FBRSL1: variants seen among roughly 807,000 people sequenced by gnomAD.
FBRSL1 encodes the protein fibrosin like 1, also known as fibrosin-1-like protein.
Under a neutral mutation model 89.6 loss-of-function variants are expected in FBRSL1, and 51 were observed. The observed-to-expected ratio is 0.57, with a 90% CI of 0.45 to 0.72. The LOEUF is 0.72. Among genes scored for constraint, FBRSL1 ranks in the 30% least tolerant of loss-of-function variants. The pLI is 0.00. For synonymous variants in FBRSL1, 779 were observed against 681.1 expected, an observed-to-expected ratio of 1.14 and a Z score of -2.24; for missense variants, 1,618 against 1,451.8, an observed-to-expected ratio of 1.11 and a Z score of -1.86.
intron 2 of FBRSL1, among the ~76,000 whole-genome samples, chr12:132,524,033 G>A (rs1035485008): frequency 1.6e-4 from 24 of 152,318 alleles, no homozygotes; most frequent in Middle Eastern, 3.4e-3. Context: ...GGAAGGTGCC[G>A]GCCCCGGGCT....
chr12:132,549,560 A>G (rs1200495548), intron 5 of FBRSL1, among the ~76,000 whole-genome samples: 1 of 152,124 alleles, frequency 6.6e-6, no homozygotes, highest in Non-Finnish European at 1.5e-5. Context: ...GACACCCTCC[A>G]CAACCAAGGG....
chr12:132,557,090 T>C (rs114952651), intron 5 of FBRSL1, among the ~76,000 whole-genome samples: 3,149 of 152,270 alleles, frequency 0.021, 99 homozygotes, highest in African/African-American at 0.071. Context: ...GGACCCTGTG[T>C]GCTCTGCACT....
chr12:132,496,594 G>C (rs751483162), intron 1 of FBRSL1, among the ~76,000 whole-genome samples: 1 of 152,222 alleles, frequency 6.6e-6, no homozygotes, highest in Non-Finnish European at 1.5e-5. Context: ...CATTGGCCCT[G>C]CTGGCGTCTG....
At chr12:132,553,794 C>T (rs1167463784) in intron 5 of FBRSL1, 5 of 152,176 alleles carry the variant, frequency 3.3e-5, no homozygotes, top group African/African-American at 4.8e-5. Context: ...TGTAACAAGT[C>T]GCCGTAAACA....
intron 15 of FBRSL1, among the ~76,000 whole-genome samples, chr12:132,580,009 ATTC>A (rs1177432465): frequency 6.6e-6 from 1 of 152,158 alleles, no homozygotes; most frequent in Non-Finnish European, 1.5e-5. Flanking sequence ...GGCCCTGGCA[ATTC>A]TTAATGTTGC....
chr12:132,552,961 G>A (rs2038317469), intron 5 of FBRSL1: 1 of 153,268 alleles, frequency 6.5e-6, no homozygotes, highest in Non-Finnish European at 1.5e-5. Context: ...CCTTTGTTCT[G>A]TCCAGCCAGC....
chr12:132,569,265 G>A (rs2039847030), intron 6 of FBRSL1, among the ~76,000 whole-genome samples: 1 of 152,126 alleles, frequency 6.6e-6, no homozygotes, highest in Non-Finnish European at 1.5e-5. Context: ...GACCTGCGGG[G>A]GACGTGCCTA....
At chr12:132,501,828 A>G (rs1444293928) in intron 1 of FBRSL1, among the ~76,000 whole-genome samples, 4 of 152,138 alleles carry the variant, frequency 2.6e-5, no homozygotes, top group African/African-American at 9.7e-5. Context: ...CAGGACACCC[A>G]GGCCCGTGGC....
intron 5 of FBRSL1, among the ~76,000 whole-genome samples, chr12:132,564,033 C>T (rs983572261): frequency 1.3e-5 from 2 of 152,100 alleles, no homozygotes; most frequent in East Asian, 1.9e-4. Context: ...GCCGCGCTCA[C>T]GGTCACACGG....
chr12:132,527,953 A>G lies in FBRSL1; in HGVS notation c.580A>G (p.Ser194Gly), dbSNP rs1285051772. The G allele has an allele frequency of 6.4e-7, 1 of 1,550,734 alleles. No homozygotes were observed. Among genetic ancestry groups the G allele is most frequent in the Non-Finnish European group, 8.7e-7 (1 of 1,146,788 alleles). ...GACTGTCCCCTCTTCCTTCCTGCAG[A>G]GCTCTGCGCATGCGGTCTCGGGGAG... Reference protein sequence around the residue: ...ATSSRDPLSDSSAHAVSGRGY... With the variant: ...ATSSRDPLSDGSAHAVSGRGY... Residue 194 changes from serine to glycine, a missense_variant and splice_region_variant, in exon 4 of 19, where the codon AGC (serine) becomes GGC (glycine). Physicochemically the swap from Ser to Gly is moderately conservative, Grantham distance 56. Transcript: ENST00000680143.
chr12:132,511,662 G>C, intron 2 of FBRSL1: 1 of 985,546 alleles, frequency 1.0e-6, no homozygotes, highest in Non-Finnish European at 1.2e-6. Flanking sequence ...GTCTTGCCCA[G>C]CTGGGCTGCC....
At chr12:132,494,249 C>G (rs2031618225) in intron 1 of FBRSL1, among the ~76,000 whole-genome samples, 1 of 152,198 alleles carries the variant, frequency 6.6e-6, no homozygotes, top group Non-Finnish European at 1.5e-5. Context: ...CCAGAGGACA[C>G]TGGAAGCCCC....
In FBRSL1 at chr12:132,583,673, C is replaced by T. The variant is rs1402679436; in HGVS notation, c.2904C>T (p.Pro968=). 4.5e-6 allele frequency: 5 copies of T among 1,116,038 alleles called. No homozygotes were observed. The highest frequency in any genetic ancestry group is 4.4e-6 in the Non-Finnish European group (4 of 913,416). 69.1% of individuals were successfully genotyped at this position (1,116,038 alleles called of 1,614,324 possible). Residue 968 remains proline, a synonymous_variant, in exon 19 of 19, where the codon CCC becomes CCT. Coordinates refer to ENST00000680143, the MANE Select transcript of FBRSL1 (RefSeq NM_001367871.1). ...PLVTAAGPPT[P]PGPPRSRTTP... is the part of the protein sequence containing the mutation. ...TGACGGCGGCCGGGCCCCCCACGCC[C>T]CCCGGGCCGCCGCGGAGCCGGACTA...
intron 1 of FBRSL1, among the ~76,000 whole-genome samples, chr12:132,497,765 G>T (rs773543070): frequency 3.9e-5 from 6 of 152,282 alleles, no homozygotes; most frequent in Non-Finnish European, 5.9e-5. Context: ...AGTGGCCCGG[G>T]GTCAGGCCCT....
chr12:132,545,126 G>A (rs2037582297), intron 4 of FBRSL1, among the ~76,000 whole-genome samples: 1 of 152,188 alleles, frequency 6.6e-6, no homozygotes, highest in African/African-American at 2.4e-5. Flanking sequence ...GCGGCACAGA[G>A]CGGGCGTCTT....
intron 4 of FBRSL1, among the ~76,000 whole-genome samples, chr12:132,537,147 G>C (rs931260638): frequency 1.3e-5 from 2 of 152,202 alleles, no homozygotes; most frequent in African/African-American, 2.4e-5. Context: ...GAGGGCAGAG[G>C]GTTAGGGATG....
Position 132,570,315 on chromosome 12 carries a change from C to T in FBRSL1, c.1008-20C>T, listed in dbSNP as rs749022422. On this transcript the variant is annotated intron_variant, in intron 7 of 18. Transcript: ENST00000680143. ...TCTGCAGGGGTCGGGCTGGCAGGCA[C>T]TGAGCCCCGTGTCCCGCAGCAGGAG... is the stretch of plus-strand genomic sequence containing the variant. 16 of 1,525,482 alleles carry T rather than the reference C, an allele frequency of 1.0e-5. No homozygotes were observed. The highest frequency in any genetic ancestry group is 3.5e-4 in the Middle Eastern group (2 of 5,694). The allele number at this position is 1,525,482 out of a possible 1,614,324, so 94.5% of individuals were successfully genotyped here.
chr12:132,575,479 G>A (rs2040326279), intron 14 of FBRSL1, among the ~76,000 whole-genome samples: 1 of 152,156 alleles, frequency 6.6e-6, no homozygotes, highest in Non-Finnish European at 1.5e-5. Context: ...CACCCACCTC[G>A]GCCTCCCAAA....
chr12:132,571,151 G>C lies in FBRSL1; in HGVS notation c.1297G>C (p.Ala433Pro). 1.4e-6 allele frequency: 2 copies of C among 1,398,948 alleles called. No individual in the cohort carries two copies. Among genetic ancestry groups the C allele is most frequent in the Non-Finnish European group, 1.9e-6 (2 of 1,077,036 alleles). 86.7% of individuals were successfully genotyped at this position (1,398,948 alleles called of 1,614,324 possible). A position where few individuals can be genotyped will look rare whatever the true frequency, so the allele number is the denominator to read the frequency against. The change falls in exon 9 of 19, where the codon GCT becomes CCT. Residue 433 changes from alanine (A) to proline (P), a missense_variant. Ala to Pro is a conservative substitution (Grantham distance 27). Transcript: ENST00000680143. ...SGILIGTWSQ[A>P]PLLPAPLGPH... ...AATTCTGATTGGTACTTGGTCACAG[G>C]CTCCTCTCTTACCTGCACCCCTGGG...
Sources: gnomAD v4.1 joint callset for allele counts (sites outside exome capture counted in the v4.1 genomes callset) on GRCh38, gnomAD v4.1.1 for gene constraint, MANE v1.5 for transcripts, NCBI Gene and HGNC (gene_info 2026-07-23, HGNC 2026-07-21) for gene names.